The following MYL1 variants were observed in gnomAD, a reference collection of about 807,000 sequenced individuals.
MYL1 encodes the protein myosin light chain 1/3, skeletal muscle isoform.
Under a neutral mutation model 21.8 loss-of-function variants are expected in MYL1, and 16 were observed. The ratio of observed to expected loss-of-function variants is 0.74; its 90% CI spans 0.50 to 1.12. The LOEUF is 1.12. Among genes scored for constraint, MYL1 ranks in the 50% most tolerant of loss-of-function variants. MYL1 has a pLI of 0.00. For synonymous variants in MYL1, 99 were observed against 85.2 expected, an observed-to-expected ratio of 1.16 and a Z score of -0.89; for missense variants, 246 against 241.0, an observed-to-expected ratio of 1.02 and a Z score of -0.14.
intron 3 of MYL1, among the ~76,000 whole-genome samples, chr2:210,296,780 C>T (rs1041437305): frequency 2.6e-5 from 4 of 152,044 alleles, no homozygotes; most frequent in Admixed American, 6.6e-5. Context: ...CAACTTCTGG[C>T]TATCTCTTAT....
chr2:210,303,033 GA>G, intron 1 of MYL1: 1 of 542,604 alleles, frequency 1.8e-6, no homozygotes, highest in Non-Finnish European at 3.3e-6. Context: ...ATACTTCCTA[GA>G]AAAATAATCT....
In MYL1 at chr2:210,295,462, C is replaced by A. The variant is rs538687739; in HGVS notation, c.305-1044G>T. Among the ~76,000 whole-genome samples the A allele has an allele frequency of 3.3e-5, 5 of 151,738 alleles. No homozygotes were observed. In the South Asian group the frequency reaches 1.0e-3, roughly 32 times the overall value. ...CAGCCTGGGCAACATGGCAAGACCCCATCCCTACAAAAAAAACAAAAACAA... is the reference window on the plus strand; with the variant it reads ...CAGCCTGGGCAACATGGCAAGACCCAATCCCTACAAAAAAAACAAAAACAA... On this transcript the variant is annotated intron_variant, in intron 3 of 6. Transcript: ENST00000352451.
intron 3 of MYL1, among the ~76,000 whole-genome samples, chr2:210,294,850 G>A (rs1007491137): frequency 6.6e-6 from 1 of 151,994 alleles, no homozygotes; most frequent in East Asian, 1.9e-4. Context: ...ATAGAAAAAT[G>A]CACTGAGATA....
At chr2:210,298,783 T>A (rs1690219935) in intron 2 of MYL1, among the ~76,000 whole-genome samples, 1 of 152,206 alleles carries the variant, frequency 6.6e-6, no homozygotes, top group South Asian at 2.1e-4. Context: ...CAACTTTAAG[T>A]TGCCTGTTAT....
intron 1 of MYL1, among the ~76,000 whole-genome samples, chr2:210,312,920 C>T (rs548098043): frequency 6.6e-6 from 1 of 151,672 alleles, no homozygotes; most frequent in African/African-American, 2.4e-5. Context: ...CACAATATTA[C>T]ACAATATTAA....
intron 3 of MYL1, 152 bp downstream of exon 3, chr2:210,298,268 T>C: frequency 1.1e-6 from 1 of 895,920 alleles, no homozygotes; most frequent in African/African-American, 1.6e-5. Flanking sequence ...AACTGAGCCC[T>C]ATTATGTGAA....
rs562214058 is a variant in MYL1 at position 210,290,652 on chromosome 2, G to A, written c.*15-185C>T. On this transcript the variant is annotated intron_variant, in intron 6 of 6. Transcript: ENST00000352451. ...GCTTGAATTTGGACTGTTATAACACGGTTTTCTAGAGCAGAAACTGTTAAA... is the reference window on the plus strand; with the variant it reads ...GCTTGAATTTGGACTGTTATAACACAGTTTTCTAGAGCAGAAACTGTTAAA... 1.8e-4 allele frequency among the ~76,000 whole-genome samples: 27 copies of A among 152,202 alleles called. No individual in the cohort carries two copies. The South Asian group carries it at 4.8e-3, about 27-fold the overall frequency.
chr2:210,294,412 T>G lies in MYL1; in HGVS notation c.311A>C (p.Asn104Thr). 1 of 1,613,498 alleles carries G rather than the reference T, an allele frequency of 6.2e-7. No individual in the cohort carries two copies. The highest frequency in any genetic ancestry group is 1.3e-5 in the African/African-American group (1 of 75,012). The change falls in exon 4 of 7, where the codon AAT becomes ACT. Residue 104 changes from asparagine (N) to threonine (T), a missense_variant. Physicochemically the swap from Asn to Thr is moderately conservative, Grantham distance 65. Transcript: ENST00000352451. The part of the protein sequence containing the change: ...VLGNPSNEEL[N>T]AKKIEFEQFL... Reference sequence around the variant, plus strand: ...TTGTTCAAACTCAATTTTCTTGGCATTCAGCTCTGTAAGAAATTGCAATTT... The same window carrying G: ...TTGTTCAAACTCAATTTTCTTGGCAGTCAGCTCTGTAAGAAATTGCAATTT...
chr2:210,302,201 T>C (rs1690274022), intron 2 of MYL1, among the ~76,000 whole-genome samples: 1 of 152,178 alleles, frequency 6.6e-6, no homozygotes, highest in Admixed American at 6.6e-5. Context: ...TATATATATG[T>C]ATGGTATTAT....
At chr2:210,308,353 T>C (rs909265941) in intron 1 of MYL1, among the ~76,000 whole-genome samples, 3 of 146,222 alleles carry the variant, frequency 2.1e-5, no homozygotes, top group African/African-American at 7.6e-5. Flanking sequence ...TCGAAGGAAA[T>C]AAATATTTTT....
chr2:210,297,243 C>T (rs190794246), intron 3 of MYL1, among the ~76,000 whole-genome samples: 160 of 151,754 alleles, frequency 1.1e-3, no homozygotes, highest in African/African-American at 3.6e-3. Context: ...TTTGATAAAC[C>T]GTACTATTTT....
At chr2:210,307,280 G>A (rs62203007) in intron 1 of MYL1, among the ~76,000 whole-genome samples, 1 of 152,072 alleles carries the variant, frequency 6.6e-6, no homozygotes, top group African/African-American at 2.4e-5. Context: ...CACTTCCCTT[G>A]CCTTATTCTT....
chr2:210,313,714 A>G lies in MYL1; in HGVS notation c.132+1197T>C, dbSNP rs141060600. On this transcript the variant is annotated intron_variant, in intron 1 of 6. Coordinates refer to ENST00000352451, the MANE Select transcript of MYL1 (RefSeq NM_079420.3). ...ATTTCATGTTTAATTGGAATGTTATATAAATTATAAATATATTTAACTTCA... is the reference window on the plus strand; with the variant it reads ...ATTTCATGTTTAATTGGAATGTTATGTAAATTATAAATATATTTAACTTCA... Among the ~76,000 whole-genome samples the G allele has an allele frequency of 5.3e-5, 8 of 152,184 alleles. No individual in the cohort carries two copies. The East Asian group carries it at 1.5e-3, about 29-fold the overall frequency.
chr2:210,293,591 T>C (rs1690117078), intron 5 of MYL1, 132 bp downstream of exon 5: 1 of 712,836 alleles, frequency 1.4e-6, no homozygotes, highest in Non-Finnish European at 2.4e-6. Context: ...CTCACATATC[T>C]TTTTAGAGTT....
intron 1 of MYL1, among the ~76,000 whole-genome samples, chr2:210,305,568 GATT>G (rs1196424146): frequency 4.6e-5 from 7 of 151,948 alleles, no homozygotes; most frequent in African/African-American, 1.7e-4. Context: ...ATCATCTTAT[GATT>G]ATTGAGAACT....
At chr2:210,302,968 G>C (rs979927653) in intron 1 of MYL1, 1 of 604,916 alleles carries the variant, frequency 1.7e-6, no homozygotes, top group African/African-American at 1.9e-5. Flanking sequence ...TATTGCAAAA[G>C]ATAATTAGGG....
At chr2:210,297,565 T>A (rs192328330) in intron 3 of MYL1, among the ~76,000 whole-genome samples, 2 of 151,986 alleles carry the variant, frequency 1.3e-5, no homozygotes, top group Non-Finnish European at 2.9e-5. Flanking sequence ...TGGATATTAA[T>A]CCCTTGTCAA....
At chr2:210,291,419 T>G (rs1183393450) in intron 5 of MYL1, among the ~76,000 whole-genome samples, 13 of 152,176 alleles carry the variant, frequency 8.5e-5, no homozygotes, top group Admixed American at 3.9e-4. Flanking sequence ...CATGTCACTG[T>G]GCCCAGCTAT....
intron 5 of MYL1, among the ~76,000 whole-genome samples, chr2:210,292,129 C>T (rs543144615): frequency 2.0e-5 from 3 of 152,234 alleles, no homozygotes; most frequent in East Asian, 1.9e-4. Flanking sequence ...AGTGCAGTAA[C>T]GCGATCTTCA....
Sources: allele counts gnomAD v4.1 joint callset (sites outside exome capture counted in the v4.1 genomes callset), GRCh38; gene constraint gnomAD v4.1.1; transcripts MANE v1.5; gene names NCBI Gene and HGNC (gene_info 2026-07-23, HGNC 2026-07-21).